Variants in OPHN1 observed in about 807,000 individuals in gnomAD.
OPHN1 encodes oligophrenin 1.
A neutral mutation model predicts 60.7 loss-of-function variants in OPHN1; 11 were observed. That is an observed-to-expected ratio of 0.18 (90% CI 0.11 to 0.30). The LOEUF (loss-of-function observed/expected upper bound fraction) is 0.30, where lower values mean the gene tolerates loss of function less well. OPHN1 is among the 10% of genes least tolerant of loss of function. The probability of loss-of-function intolerance (pLI) is 1.00; values close to 1 mark genes in which losing one functional copy is unlikely to be tolerated. For synonymous variants in OPHN1, 226 were observed against 222.6 expected (o/e 1.02, Z -0.14); for missense variants, 449 against 611.0 (o/e 0.73, Z 2.80).
At chrX:68,377,522 C>T (rs1189556180) in intron 2 of OPHN1, among the ~76,000 whole-genome samples, 5 of 107,345 alleles carry the variant, frequency 4.7e-5, no homozygotes, top group Admixed American at 4.1e-4. Context: ...CGCTGGTGTG[C>T]TGCACCCATT....
chrX:68,117,782 T>C (rs1039794889), intron 16 of OPHN1, among the ~76,000 whole-genome samples: 8 of 111,495 alleles, frequency 7.2e-5, no homozygotes, highest in Admixed American at 5.7e-4. Flanking sequence ...CTGGTATATA[T>C]TACAGAACCA....
At chrX:68,403,894 G>A (rs1018267019) in intron 2 of OPHN1, among the ~76,000 whole-genome samples, 2 of 108,716 alleles carry the variant, frequency 1.8e-5, no homozygotes, top group African/African-American at 6.7e-5. Context: ...AAAGTGAAGT[G>A]CCACAGTCAT....
At chrX:68,256,162 G>C (rs889532163) in intron 5 of OPHN1, among the ~76,000 whole-genome samples, 2 of 111,317 alleles carry the variant, frequency 1.8e-5, no homozygotes, top group East Asian at 5.7e-4. Flanking sequence ...GTTTGATCAG[G>C]AGCAAGGGGA....
In OPHN1 at chrX:68,073,186, C is replaced by T; in HGVS notation, c.1800G>A (p.Thr600=). Residue 600 remains threonine, a synonymous_variant, in exon 20 of 25, where the codon ACG becomes ACA. Coordinates refer to ENST00000355520, the MANE Select transcript of OPHN1 (RefSeq NM_002547.3). ...TISKRLLRER[T]VFYTSSLDES... is the part of the protein sequence containing the mutation. ...CATCCAGGGAAGAAGTATAGAAAAC[C>T]GTCCTTTCTCGCAGCAAGCGCTTTG... 3.3e-6 allele frequency: 4 copies of T among 1,210,604 alleles called. No homozygotes were observed. The highest frequency in any genetic ancestry group is 1.7e-5 in the African/African-American group (1 of 57,819).
intron 2 of OPHN1, among the ~76,000 whole-genome samples, chrX:68,399,816 T>C (rs900206792): frequency 2.6e-4 from 23 of 89,442 alleles, no homozygotes; most frequent in African/African-American, 7.3e-4. Context: ...TTTTAGTTTC[T>C]TTTTTTTTCT....
chrX:68,153,566 T>C (rs1034364385), intron 15 of OPHN1, among the ~76,000 whole-genome samples: 1 of 111,820 alleles, frequency 8.9e-6, no homozygotes, highest in African/African-American at 3.3e-5. Context: ...ACCCTGAACA[T>C]TGAGTGTCTA....
intron 3 of OPHN1, among the ~76,000 whole-genome samples, chrX:68,289,103 G>C (rs1158151131): frequency 9.0e-6 from 1 of 110,893 alleles, no homozygotes; most frequent in African/African-American, 3.3e-5. Flanking sequence ...AATTGGCTAA[G>C]AAATGGAAGA....
chrX:68,055,398 A>G (rs2076868633), intron 21 of OPHN1, among the ~76,000 whole-genome samples: 1 of 112,336 alleles, frequency 8.9e-6, no homozygotes, highest in East Asian at 2.8e-4. Context: ...CAAAACCACA[A>G]TGAAATACCA....
At chrX:68,073,476 G>A (rs191660284) in intron 19 of OPHN1, among the ~76,000 whole-genome samples, 177 bp from the exon 20 acceptor site, 12 of 111,836 alleles carry the variant, frequency 1.1e-4, no homozygotes, top group East Asian at 5.6e-4. Context: ...AAATGTTTAG[G>A]TATCTCCTAC....
At chrX:68,393,600 G>A (rs1043611013) in intron 2 of OPHN1, among the ~76,000 whole-genome samples, 6 of 111,560 alleles carry the variant, frequency 5.4e-5, no homozygotes, top group South Asian at 3.8e-4. Context: ...AGTTTCATGC[G>A]TCAAACATAT....
intron 2 of OPHN1, among the ~76,000 whole-genome samples, chrX:68,422,198 C>A (rs1356964440): frequency 9.0e-6 from 1 of 110,758 alleles, no homozygotes; most frequent in East Asian, 2.8e-4. Context: ...AACAAAAGCA[C>A]CCCTAGCCCC....
At chrX:68,097,681 A>G (rs1488777636) in intron 18 of OPHN1, among the ~76,000 whole-genome samples, 1 of 111,246 alleles carries the variant, frequency 9.0e-6, no homozygotes. Context: ...ACTTTGGGAT[A>G]GGGCCAATTC....
intron 15 of OPHN1, among the ~76,000 whole-genome samples, chrX:68,164,445 C>T (rs776174824): frequency 3.6e-5 from 4 of 112,225 alleles, no homozygotes; most frequent in Non-Finnish European, 7.5e-5. Context: ...TCCATCAGAG[C>T]TCTTGGGTGA....
chrX:68,136,888 T>G (rs1477407278), intron 15 of OPHN1, among the ~76,000 whole-genome samples: 2 of 111,670 alleles, frequency 1.8e-5, no homozygotes, highest in African/African-American at 3.3e-5. Flanking sequence ...GTAAAAATAT[T>G]TTTGCTGTAC....
Position 68,347,491 on chromosome X carries a change from T to G in OPHN1, c.155-48395A>C, listed in dbSNP as rs113005188. On this transcript the variant is annotated intron_variant, in intron 2 of 24. Transcript: ENST00000355520. ...CGCCACCATGCCCAGCTAATTTTTG[T>G]ATTTTTTGTAGAGATGAGGTCTCTC... is the stretch of plus-strand genomic sequence containing the variant. 1.5e-3 allele frequency among the ~76,000 whole-genome samples: 161 copies of G among 110,909 alleles called. 1 individual carries two copies. The highest frequency in any genetic ancestry group is 5.1e-3 in the African/African-American group (156 of 30,549).
intron 11 of OPHN1, among the ~76,000 whole-genome samples, chrX:68,198,262 GTTCATTCCC>G (rs1265680622): frequency 1.8e-5 from 2 of 110,885 alleles, no homozygotes; most frequent in Non-Finnish European, 3.8e-5. Context: ...GAAAGAGTAG[GTTCATTCCC>G]TTCCATCTCT....
chrX:68,254,117 G>A (rs1282924839), intron 5 of OPHN1, among the ~76,000 whole-genome samples: 1 of 111,331 alleles, frequency 9.0e-6, no homozygotes, highest in Non-Finnish European at 1.9e-5. Context: ...AGACTTCAGG[G>A]GTAGGTGTGC....
At chrX:68,066,214 T>C (rs1258239317) in intron 20 of OPHN1, among the ~76,000 whole-genome samples, 3 of 112,333 alleles carry the variant, frequency 2.7e-5, no homozygotes, top group Non-Finnish European at 3.8e-5. Context: ...CATGGTGACA[T>C]AAATTCTTTC....
At chrX:68,406,386 C>T (rs752397202) in intron 2 of OPHN1, among the ~76,000 whole-genome samples, 1 of 109,124 alleles carries the variant, frequency 9.2e-6, no homozygotes, top group Admixed American at 9.8e-5. Context: ...CCGAGGTGGG[C>T]AGATCGCCTG....
Sources: allele counts gnomAD v4.1 joint callset (sites outside exome capture counted in the v4.1 genomes callset), GRCh38; gene constraint gnomAD v4.1.1; transcripts MANE v1.5; gene names NCBI Gene and HGNC (gene_info 2026-07-23, HGNC 2026-07-21).